The following RSRC1 variants were observed in gnomAD, a reference collection of about 807,000 sequenced individuals.
RSRC1 encodes the protein arginine and serine rich coiled-coil 1, also known as serine/Arginine-related protein 53.
In RSRC1, 39 loss-of-function variants were observed where a neutral mutation model predicts 49.1. The ratio of observed to expected loss-of-function variants is 0.79; its 90% CI spans 0.61 to 1.04. The LOEUF is 1.04. Ranked by LOEUF, RSRC1 falls within the 50% of genes least tolerant of loss-of-function variation. The probability of loss-of-function intolerance (pLI) is 0.00; values close to 1 mark genes in which losing one functional copy is unlikely to be tolerated. For missense variants in RSRC1, 388 were observed against 402.4 expected, an observed-to-expected ratio of 0.96 and a Z score of 0.31; for synonymous variants, 143 against 130.8, an observed-to-expected ratio of 1.09 and a Z score of -0.63.
chr3:158,222,969 G>C (rs546458098), intron 4 of RSRC1, among the ~76,000 whole-genome samples: 3 of 151,504 alleles, frequency 2.0e-5, no homozygotes, highest in Non-Finnish European at 4.4e-5. Context: ...TAGTAATTTC[G>C]TTTATTTTCT....
intron 7 of RSRC1, among the ~76,000 whole-genome samples, chr3:158,475,732 C>T (rs1173788333): frequency 6.6e-6 from 1 of 152,086 alleles, no homozygotes; most frequent in Non-Finnish European, 1.5e-5. Context: ...TCCTCTCTCT[C>T]TCTCTCTCTC....
At chr3:158,376,190 G>GTT (rs760919300) in intron 6 of RSRC1, among the ~76,000 whole-genome samples, 12,685 of 71,330 alleles carry the variant, frequency 0.18, 1,422 homozygotes, top group Non-Finnish European at 0.19. Flanking sequence ...CCTTCCTTTC[G>GTT]TTTTTTTTTT....
At chr3:158,214,525 A>T (rs1330229255) in intron 4 of RSRC1, among the ~76,000 whole-genome samples, 1 of 150,434 alleles carries the variant, frequency 6.6e-6, no homozygotes, top group Admixed American at 6.6e-5. Context: ...TAGATTATTG[A>T]TTTGTGATCT....
intron 6 of RSRC1, among the ~76,000 whole-genome samples, chr3:158,451,405 A>G (rs961793079): frequency 6.6e-6 from 1 of 152,046 alleles, no homozygotes; most frequent in Non-Finnish European, 1.5e-5. Flanking sequence ...CTATGTTAAT[A>G]TGTAAAATTT....
chr3:158,348,993 A>C (rs543738810), intron 5 of RSRC1, among the ~76,000 whole-genome samples: 2 of 152,254 alleles, frequency 1.3e-5, no homozygotes, highest in South Asian at 4.1e-4. Flanking sequence ...CCAATCAACT[A>C]TAAGTGGACA....
chr3:158,485,886 A>G lies in RSRC1; in HGVS notation c.652+24883A>G, dbSNP rs542370963. Among the ~76,000 whole-genome samples the G allele has an allele frequency of 2.0e-4, 31 of 152,316 alleles. No homozygotes were observed. In the East Asian group the frequency reaches 3.1e-3, roughly 15 times the overall value. On this transcript the variant is annotated intron_variant, in intron 7 of 9. Transcript: ENST00000611884. The stretch of plus-strand genomic sequence containing the variant: ...TAACTTTAATTAAAAAGAATTTTCT[A>G]CCTGGCTTGATGTGAAGTCATATGC...
At position 158,539,169 on chromosome 3, in the gene RSRC1, C is replaced by A. The variant is rs1712894230; in HGVS notation, c.759+1971C>A. Among the ~76,000 whole-genome samples, 4 of 152,024 alleles carry A rather than the reference C, an allele frequency of 2.6e-5. No homozygotes were observed. The South Asian group carries it at 8.3e-4, about 32-fold the overall frequency. ...AGTTTCAACATATTTTTCTCCTGGA[C>A]AGTTTTATACACTTTGATATAAAGT... is the stretch of plus-strand genomic sequence containing the variant. On this transcript the variant is annotated intron_variant, in intron 8 of 9. Coordinates refer to ENST00000611884, the MANE Select transcript of RSRC1 (RefSeq NM_001271838.2). This position sits in a 1 kb window ranked among gnomAD's most constrained non-coding sequence, Gnocchi z 4.1.
intron 3 of RSRC1, among the ~76,000 whole-genome samples, chr3:158,195,850 G>C (rs931600873): frequency 6.6e-6 from 1 of 151,982 alleles, no homozygotes; most frequent in African/African-American, 2.4e-5. Context: ...CTGTTCCATT[G>C]ATCTATATCT....
At chr3:158,130,951 C>T (rs1049101382) in intron 3 of RSRC1, among the ~76,000 whole-genome samples, 1 of 152,054 alleles carries the variant, frequency 6.6e-6, no homozygotes, top group Non-Finnish European at 1.5e-5. Context: ...CTGAGTTTTA[C>T]ATCTTTTTAG....
chr3:158,245,626 G>A (rs1044599298), intron 4 of RSRC1, among the ~76,000 whole-genome samples: 13 of 152,126 alleles, frequency 8.5e-5, no homozygotes, highest in African/African-American at 2.9e-4. Flanking sequence ...GCTTGTTAAA[G>A]TCTCCCATTA....
intron 4 of RSRC1, among the ~76,000 whole-genome samples, chr3:158,253,239 T>C (rs371654766): frequency 3.3e-5 from 5 of 152,122 alleles, no homozygotes; most frequent in African/African-American, 9.6e-5. Context: ...CTACTTTTGC[T>C]GTATCCCATA....
intron 4 of RSRC1, among the ~76,000 whole-genome samples, chr3:158,261,161 G>A (rs953440202): frequency 6.6e-6 from 1 of 152,130 alleles, no homozygotes; most frequent in Non-Finnish European, 1.5e-5. Context: ...TTCCCTCTAT[G>A]CTTTACTTTT....
At chr3:158,461,834 G>A (rs1365831869) in intron 7 of RSRC1, among the ~76,000 whole-genome samples, 1 of 151,722 alleles carries the variant, frequency 6.6e-6, no homozygotes, top group Non-Finnish European at 1.5e-5. Flanking sequence ...GTCAAAATCT[G>A]AAAGTTGAAA....
chr3:158,366,186 A>G (rs1202815549), intron 6 of RSRC1, among the ~76,000 whole-genome samples: 2 of 152,076 alleles, frequency 1.3e-5, no homozygotes, highest in East Asian at 1.9e-4. Context: ...CTTTGTTGCC[A>G]TTGCTTTTGG....
At chr3:158,465,270 G>C (rs892615370) in intron 7 of RSRC1, among the ~76,000 whole-genome samples, 4 of 152,148 alleles carry the variant, frequency 2.6e-5, no homozygotes, top group African/African-American at 9.7e-5. Flanking sequence ...CTGGACCAGA[G>C]CCAAACCTAA....
chr3:158,166,193 G>C (rs970996242), intron 3 of RSRC1, among the ~76,000 whole-genome samples: 1 of 152,136 alleles, frequency 6.6e-6, no homozygotes, highest in Non-Finnish European at 1.5e-5. Context: ...TCTTAAATAA[G>C]TATATTAGTA....
At position 158,456,499 on chromosome 3, in the gene RSRC1, A is replaced by G. The variant is rs2108398474; in HGVS notation, c.584-4436A>G. ...CACAACTACTATGCGCCCAGCTCTC[A>G]AGGAGACAAGTATATGTTCTTCAGT... On this transcript the variant is annotated intron_variant, in intron 6 of 9. Coordinates refer to ENST00000611884, the MANE Select transcript of RSRC1 (RefSeq NM_001271838.2). Among the ~76,000 whole-genome samples the G allele has an allele frequency of 2.0e-5, 3 of 152,262 alleles. No homozygotes were observed. In the South Asian group the frequency reaches 6.2e-4, roughly 32 times the overall value.
chr3:158,246,530 C>G (rs1723911558), intron 4 of RSRC1, among the ~76,000 whole-genome samples: 1 of 152,030 alleles, frequency 6.6e-6, no homozygotes, highest in African/African-American at 2.4e-5. Flanking sequence ...TTTGTCCTTT[C>G]CATATGTAGT....
chr3:158,211,266 CATT>C (rs1721657522), intron 4 of RSRC1, among the ~76,000 whole-genome samples: 1 of 152,092 alleles, frequency 6.6e-6, no homozygotes, highest in East Asian at 1.9e-4. Flanking sequence ...AATTCTGACT[CATT>C]ATGCTTTGGA....
Sources: gnomAD v4.1 joint callset for allele counts (sites outside exome capture counted in the v4.1 genomes callset) on GRCh38, gnomAD v4.1.1 for gene constraint, Gnocchi (gnomAD v3.1) non-coding constraint, MANE v1.5 for transcripts, NCBI Gene and HGNC (gene_info 2026-07-23, HGNC 2026-07-21) for gene names.